The following CSNK2A2IP variants were observed in gnomAD, a reference collection of about 807,000 sequenced individuals.
The protein encoded by CSNK2A2IP is casein kinase II subunit alpha'-interacting protein.
At chr3:88,370,251 A>G in the CSNK2A2IP span, among the ~76,000 whole-genome samples, 4 of 151,958 alleles carry the variant, frequency 2.6e-5, no homozygotes, top group Admixed American at 6.6e-5. Flanking sequence ...AACTATATGC[A>G]TATTCAGGGA....
At chr3:88,383,651 CTTTTTTTT>C in the CSNK2A2IP span, among the ~76,000 whole-genome samples, 1 of 88,550 alleles carries the variant, frequency 1.1e-5, no homozygotes, top group East Asian at 4.0e-4. Flanking sequence ...TCTTTTCTTT[CTTTTTTTT>C]TTTTTTTTTT....
the CSNK2A2IP span, chr3:88,465,444 A>G: frequency 6.4e-5 from 79 of 1,231,692 alleles, no homozygotes; most frequent in Middle Eastern, 2.2e-3. Context: ...TAACACATCA[A>G]CATACAGGTG....
At chr3:88,464,372 G>C in the CSNK2A2IP span, among the ~76,000 whole-genome samples, 3 of 151,128 alleles carry the variant, frequency 2.0e-5, no homozygotes, top group Non-Finnish European at 3.0e-5. Flanking sequence ...GAACATCACC[G>C]ATGTGATTAC....
the CSNK2A2IP span, chr3:88,465,283 C>G: frequency 5.6e-6 from 5 of 886,046 alleles, no homozygotes; most frequent in Non-Finnish European, 7.4e-6. Context: ...CATGGATTCC[C>G]GCTAAAAGAC....
the CSNK2A2IP span, among the ~76,000 whole-genome samples, chr3:88,354,298 T>A: frequency 6.6e-6 from 1 of 152,104 alleles, no homozygotes; most frequent in Non-Finnish European, 1.5e-5. Context: ...TGGGTAAGAG[T>A]GCTATTATCT....
At chr3:88,375,453 G>T in the CSNK2A2IP span, among the ~76,000 whole-genome samples, 1 of 151,722 alleles carries the variant, frequency 6.6e-6, no homozygotes, top group East Asian at 1.9e-4. Context: ...AGAGGCCTCT[G>T]GTTGTGAGCA....
chr3:88,423,150 G>A, the CSNK2A2IP span, among the ~76,000 whole-genome samples: 1 of 152,160 alleles, frequency 6.6e-6, no homozygotes, highest in Admixed American at 6.6e-5. Flanking sequence ...TCTGACATCA[G>A]TTGAGCAATC....
At chr3:88,435,104 G>T in the CSNK2A2IP span, among the ~76,000 whole-genome samples, 5 of 152,216 alleles carry the variant, frequency 3.3e-5, no homozygotes, top group Non-Finnish European at 5.9e-5. Flanking sequence ...TACCAAGCAG[G>T]TTCTGTTGTT....
At chr3:88,449,846 CACACACACAT>C in the CSNK2A2IP span, among the ~76,000 whole-genome samples, 4 of 87,318 alleles carry the variant, frequency 4.6e-5, no homozygotes, top group African/African-American at 1.5e-4. Context: ...CACACACACA[CACACACACAT>C]ATATATATAT....
At chr3:88,356,156 C>T in the CSNK2A2IP span, among the ~76,000 whole-genome samples, 1 of 152,050 alleles carries the variant, frequency 6.6e-6, no homozygotes, top group Non-Finnish European at 1.5e-5. Flanking sequence ...TTACCATAGT[C>T]TCCTTATCAT....
chr3:88,339,929 A>G, the CSNK2A2IP span, among the ~76,000 whole-genome samples: 1,021 of 152,132 alleles, frequency 6.7e-3, 11 homozygotes, highest in Non-Finnish European at 0.011. Context: ...TCATTATTAT[A>G]ACTGTCTCCA....
the CSNK2A2IP span, among the ~76,000 whole-genome samples, chr3:88,443,266 T>C: frequency 2.0e-5 from 3 of 152,210 alleles, no homozygotes; most frequent in African/African-American, 7.2e-5. Flanking sequence ...TGCTGCTCAT[T>C]ATAAACATCT....
chr3:88,402,916 AT>A, the CSNK2A2IP span, among the ~76,000 whole-genome samples: 16 of 152,066 alleles, frequency 1.1e-4, no homozygotes, highest in African/African-American at 3.6e-4. Context: ...TGTTTATTAA[AT>A]CTGAGTGGTG....
the CSNK2A2IP span, among the ~76,000 whole-genome samples, chr3:88,396,316 A>G: frequency 7.9e-5 from 12 of 151,908 alleles, no homozygotes; most frequent in South Asian, 2.1e-4. Context: ...CGTGTTAGCC[A>G]GGATGGTCTC....
At chr3:88,458,141 GTTTTTT>G in the CSNK2A2IP span, among the ~76,000 whole-genome samples, 20,840 of 82,598 alleles carry the variant, frequency 0.25, 1,934 homozygotes, top group Middle Eastern at 0.37. Context: ...TGTAATTGTG[GTTTTTT>G]TTTTTTTTTT....
At chr3:88,344,219 T>C in the CSNK2A2IP span, among the ~76,000 whole-genome samples, 1 of 121,248 alleles carries the variant, frequency 8.2e-6, no homozygotes, top group East Asian at 2.1e-4. Context: ...CTGTTAATAA[T>C]ACTCTGGCGA....
At chr3:88,371,841 T>A in the CSNK2A2IP span, among the ~76,000 whole-genome samples, 1 of 151,688 alleles carries the variant, frequency 6.6e-6, no homozygotes, top group African/African-American at 2.4e-5. Flanking sequence ...GGGACTATGA[T>A]AAAATTATAA....
chr3:88,439,165 C>T, the CSNK2A2IP span, among the ~76,000 whole-genome samples: 6 of 152,176 alleles, frequency 3.9e-5, no homozygotes, highest in African/African-American at 1.4e-4. Flanking sequence ...TTAAATGCCT[C>T]ACTTTTCATT....
the CSNK2A2IP span, among the ~76,000 whole-genome samples, chr3:88,387,783 C>T: frequency 2.8e-3 from 433 of 152,162 alleles, 4 homozygotes; most frequent in African/African-American, 9.5e-3. Flanking sequence ...TAGAGTGCAG[C>T]GGCATGATCA....
Sources: gnomAD v4.1 joint callset for allele counts (sites outside exome capture counted in the v4.1 genomes callset) on GRCh38, gnomAD v4.1.1 for gene constraint, MANE v1.5 for transcripts, NCBI Gene and HGNC (gene_info 2026-07-23, HGNC 2026-07-21) for gene names.